The following SIK3 variants were observed in gnomAD, a reference collection of about 807,000 sequenced individuals.
SIK3 encodes the protein SIK family kinase 3, also known as serine/threonine-protein kinase SIK3.
In SIK3, 28 loss-of-function variants were observed where a neutral mutation model predicts 144.2. The observed-to-expected ratio is 0.19, with a 90% CI of 0.14 to 0.27. SIK3 has a LOEUF of 0.27. SIK3 is among the 10% of genes least tolerant of loss of function. The pLI, the probability that SIK3 is intolerant of heterozygous loss-of-function variation, is 1.00. For missense variants in SIK3, 1,319 were observed against 1,776.0 expected, an observed-to-expected ratio of 0.74 and a Z score of 4.62; for synonymous variants, 686 against 676.3, an observed-to-expected ratio of 1.01 and a Z score of -0.22.
chr11:116,956,823 T>G (rs534459528), intron 2 of SIK3, 125 bp downstream of exon 2: 3 of 540,182 alleles, frequency 5.6e-6, no homozygotes, highest in Admixed American at 6.1e-5. Context: ...GTAGGAAAGA[T>G]AGCAGGATTA....
Position 116,849,389 on chromosome 11 carries a change from GA to G in SIK3, c.3656-107del. On this transcript the variant is annotated intron_variant, in intron 21 of 24. Transcript: ENST00000445177. The surrounding 1 kb of genome is among the most constrained non-coding windows in gnomAD (Gnocchi z 4.2). ...AAGGGACAATGGGCAAGGCTGAGGA[GA>G]TCATGTACACCAACCGCTGATCCTC... 7.5e-7 allele frequency: 1 copy of G among 1,329,654 alleles called. No homozygotes were observed. Among genetic ancestry groups the G allele is most frequent in the Non-Finnish European group, 1.0e-6 (1 of 955,662 alleles). The allele number at this position is 1,329,654 out of a possible 1,614,324, so 82.4% of individuals were successfully genotyped here. A position where few individuals can be genotyped will look rare whatever the true frequency, so the allele number is the denominator to read the frequency against.
chr11:116,971,949 G>A (rs572802647), intron 1 of SIK3, among the ~76,000 whole-genome samples: 115 of 152,196 alleles, frequency 7.6e-4, no homozygotes, highest in African/African-American at 2.6e-3. Flanking sequence ...TTACCTGGGC[G>A]TGGTGGCACG....
At chr11:116,945,681 T>G (rs1948555679) in intron 3 of SIK3, among the ~76,000 whole-genome samples, 1 of 152,178 alleles carries the variant, frequency 6.6e-6, no homozygotes, top group Admixed American at 6.5e-5. Flanking sequence ...ACATGTCCTG[T>G]AAACTCTAAA....
At chr11:116,845,981 A>C (rs1029427828) in intron 24 of SIK3, among the ~76,000 whole-genome samples, 2 of 152,204 alleles carry the variant, frequency 1.3e-5, no homozygotes, top group Non-Finnish European at 2.9e-5. Context: ...ATGGCTGGAC[A>C]TATTTTCCTG....
At chr11:117,053,834 A>G (rs113919384) in intron 1 of SIK3, among the ~76,000 whole-genome samples, 80 of 152,260 alleles carry the variant, frequency 5.3e-4, no homozygotes, top group Middle Eastern at 3.4e-3. Flanking sequence ...TTTTGTAGAG[A>G]TGGGGTCTTG....
chr11:116,901,481 T>C (rs1224664322), intron 4 of SIK3, among the ~76,000 whole-genome samples: 1 of 152,144 alleles, frequency 6.6e-6, no homozygotes, highest in African/African-American at 2.4e-5. Context: ...GGACCACAAA[T>C]AGAATCATTA....
At chr11:116,935,694 A>G (rs1455839546) in intron 3 of SIK3, among the ~76,000 whole-genome samples, 2 of 152,218 alleles carry the variant, frequency 1.3e-5, no homozygotes, top group Non-Finnish European at 2.9e-5. Context: ...CAGAGGTTCT[A>G]ATCAGATCCT....
At chr11:117,032,674 CT>C (rs11300316) in intron 1 of SIK3, among the ~76,000 whole-genome samples, 27,219 of 139,780 alleles carry the variant, frequency 0.19, 2,573 homozygotes, top group South Asian at 0.28. Flanking sequence ...CCCACCTTTT[CT>C]TTTTTTTTTT....
At chr11:116,984,723 C>T (rs770905377) in intron 1 of SIK3, among the ~76,000 whole-genome samples, 9 of 152,150 alleles carry the variant, frequency 5.9e-5, no homozygotes, top group Non-Finnish European at 1.0e-4. Flanking sequence ...CACCCCAAGA[C>T]AGGCCTACAA....
At chr11:116,885,938 G>T (rs1002658218) in intron 6 of SIK3, among the ~76,000 whole-genome samples, 1 of 152,148 alleles carries the variant, frequency 6.6e-6, no homozygotes, top group African/African-American at 2.4e-5. Flanking sequence ...ATTAAATAAG[G>T]TAATGCAACA....
At chr11:117,073,605 C>T (rs1954374366) in intron 1 of SIK3, among the ~76,000 whole-genome samples, 1 of 152,168 alleles carries the variant, frequency 6.6e-6, no homozygotes, top group South Asian at 2.1e-4. Context: ...ATGAAGTATA[C>T]AGAACATAGG....
At chr11:117,089,650 AG>A (rs2134069658) in intron 1 of SIK3, among the ~76,000 whole-genome samples, 1 of 152,110 alleles carries the variant, frequency 6.6e-6, no homozygotes, top group African/African-American at 2.4e-5. Flanking sequence ...TTCTGGGGGG[AG>A]CTATGAAAAG....
chr11:117,083,801 G>A (rs773208925), intron 1 of SIK3, among the ~76,000 whole-genome samples: 51 of 152,086 alleles, frequency 3.4e-4, no homozygotes, highest in Non-Finnish European at 1.5e-5. Flanking sequence ...GATTGCTTCC[G>A]CCAGAAACAG....
chr11:117,000,614 G>T (rs1950815319), intron 1 of SIK3, among the ~76,000 whole-genome samples: 1 of 152,164 alleles, frequency 6.6e-6, no homozygotes, highest in African/African-American at 2.4e-5. Context: ...AATTATAACT[G>T]ATTCATCTCT....
At chr11:116,975,301 T>C (rs1251959201) in intron 1 of SIK3, among the ~76,000 whole-genome samples, 1 of 150,138 alleles carries the variant, frequency 6.7e-6, no homozygotes, top group Non-Finnish European at 1.5e-5. Flanking sequence ...ACAATCTAAC[T>C]GAACATTTTT....
chr11:116,967,084 T>A (rs1949584684), intron 1 of SIK3, among the ~76,000 whole-genome samples: 1 of 151,870 alleles, frequency 6.6e-6, no homozygotes, highest in African/African-American at 2.4e-5. Flanking sequence ...GGAAATAACT[T>A]GGCAATAGGG....
chr11:116,921,049 G>A (rs1450321328), intron 4 of SIK3, among the ~76,000 whole-genome samples: 1 of 152,128 alleles, frequency 6.6e-6, no homozygotes, highest in Admixed American at 6.6e-5. Flanking sequence ...GTTGTGCCTC[G>A]TCAGTCCTTC....
At chr11:117,036,496 T>C (rs551385235) in intron 1 of SIK3, among the ~76,000 whole-genome samples, 1 of 152,352 alleles carries the variant, frequency 6.6e-6, no homozygotes, top group African/African-American at 2.4e-5. Flanking sequence ...TTAAGGTTTG[T>C]ATTTTCCCCT....
chr11:116,924,600 T>C (rs1335591662), intron 4 of SIK3, among the ~76,000 whole-genome samples: 1 of 152,200 alleles, frequency 6.6e-6, no homozygotes, highest in Non-Finnish European at 1.5e-5. Flanking sequence ...ACACTCCCAC[T>C]GCAGCAGGCC....
Sources: gnomAD v4.1 joint callset for allele counts (sites outside exome capture counted in the v4.1 genomes callset) on GRCh38, gnomAD v4.1.1 for gene constraint, Gnocchi (gnomAD v3.1) non-coding constraint, MANE v1.5 for transcripts, NCBI Gene and HGNC (gene_info 2026-07-23, HGNC 2026-07-21) for gene names.